UGT2A1: variants seen among roughly 807,000 people sequenced by gnomAD.
UGT2A1 encodes the protein UDP glucuronosyltransferase family 2 member A1 complex locus.
UGT2A1 carries 61 observed loss-of-function variants against 45.4 expected under a neutral mutation model. That is an observed-to-expected ratio of 1.34 (90% CI 1.09 to 1.66). The LOEUF is 1.66. Ranked by LOEUF, UGT2A1 falls within the 40% of genes most tolerant of loss-of-function variation. The pLI is 0.00. For missense variants in UGT2A1, 649 were observed against 574.3 expected, an observed-to-expected ratio of 1.13 and a Z score of -1.33; for synonymous variants, 229 against 196.2, an observed-to-expected ratio of 1.17 and a Z score of -1.40.
At chr4:69,643,026 A>G (rs542963175) in intron 2 of UGT2A1, among the ~76,000 whole-genome samples, 3 of 151,504 alleles carry the variant, frequency 2.0e-5, no homozygotes, top group Non-Finnish European at 4.4e-5. Context: ...TTTTGAAGGT[A>G]TACATTCGAA....
At chr4:69,619,953 C>T (rs1318291240) in intron 3 of UGT2A1, among the ~76,000 whole-genome samples, 1 of 151,778 alleles carries the variant, frequency 6.6e-6, no homozygotes, top group Non-Finnish European at 1.5e-5. Context: ...TATGCAAAAA[C>T]TCAATAAACT....
In UGT2A1 at chr4:69,589,489, C is replaced by T. The variant is rs756622796; in HGVS notation, c.1467G>A (p.Leu489=). 1 of 1,613,886 alleles carries T rather than the reference C, an allele frequency of 6.2e-7. No homozygotes were observed. The highest frequency in any genetic ancestry group is 1.3e-5 in the African/African-American group (1 of 74,880). ...HDLTWFQYHS[L]DVIGFLLVCV... ...AGACCAGCAAGAACCCAATTACATC[C>T]AAAGAGTGGTACTGGAACCAGGTGA... Residue 489 remains leucine (L), a synonymous_variant, in exon 7 of 7, where the codon TTG becomes TTA. Coordinates refer to ENST00000286604, the MANE Select transcript of UGT2A1 (RefSeq NM_001252275.3).
At chr4:69,637,997 CAGGA>C (rs200856756) in intron 2 of UGT2A1, among the ~76,000 whole-genome samples, 1,669 of 133,054 alleles carry the variant, frequency 0.013, 15 homozygotes, top group African/African-American at 0.025. Flanking sequence ...GGAAGGCAGG[CAGGA>C]AGGAAGGAAG....
rs1718913875 is a variant in UGT2A1 at position 69,596,178 on chromosome 4, A to C, written c.997-929T>G. The C allele has an allele frequency of 5.8e-6, 8 of 1,380,924 alleles. No homozygotes were observed. In the South Asian group the frequency reaches 1.7e-4, roughly 30 times the overall value. The allele number at this position is 1,380,924 out of a possible 1,614,324, so 85.5% of individuals were successfully genotyped here. A position where few individuals can be genotyped will look rare whatever the true frequency, so the allele number is the denominator to read the frequency against. ...TAATGAGTTTTGATTTTCATATGGA[A>C]AGAACATTACTAGCTGCATTGTCTC... On this transcript the variant is annotated intron_variant, in intron 4 of 6. Transcript: ENST00000286604.
chr4:69,639,578 C>A, intron 2 of UGT2A1: 1 of 1,610,158 alleles, frequency 6.2e-7, no homozygotes, highest in South Asian at 1.1e-5. Flanking sequence ...CAGTCAGAGT[C>A]AAATTAAAAA....
chr4:69,642,074 G>A (rs527586288), intron 2 of UGT2A1, among the ~76,000 whole-genome samples: 47 of 151,724 alleles, frequency 3.1e-4, no homozygotes, highest in South Asian at 2.1e-3. Flanking sequence ...ACAAGTGATA[G>A]GCTATTAACA....
At chr4:69,590,061 T>C (rs1048317741) in intron 6 of UGT2A1, among the ~76,000 whole-genome samples, 8 of 152,190 alleles carry the variant, frequency 5.3e-5, no homozygotes, top group Admixed American at 2.0e-4. Flanking sequence ...CTAGTTCATA[T>C]GACAGACAAA....
intron 3 of UGT2A1, among the ~76,000 whole-genome samples, chr4:69,632,090 G>A (rs952897122): frequency 1.3e-5 from 2 of 151,998 alleles, no homozygotes; most frequent in Non-Finnish European, 2.9e-5. Context: ...AGAGATTCAC[G>A]AAAATGAAAG....
In UGT2A1 at chr4:69,635,671, A is replaced by G; in HGVS notation, c.847+20T>C. 1 of 261,370 alleles carries G rather than the reference A, an allele frequency of 3.8e-6. No homozygotes were observed. The highest frequency in any genetic ancestry group is 7.7e-6 in the Non-Finnish European group (1 of 129,730). 16.2% of individuals were successfully genotyped at this position (261,370 alleles called of 1,614,324 possible). ...ATGGTGAAACCTCGTCTCTATTAAAAATACAAAAATTAGCCTGACCTGCTG... is the reference window on the plus strand; with the variant it reads ...ATGGTGAAACCTCGTCTCTATTAAAGATACAAAAATTAGCCTGACCTGCTG... On this transcript the variant is annotated intron_variant, in intron 3 of 6. Coordinates refer to ENST00000286604, the MANE Select transcript of UGT2A1 (RefSeq NM_001252275.3).
chr4:69,619,571 A>C (rs1325641018), intron 3 of UGT2A1, among the ~76,000 whole-genome samples: 1 of 152,034 alleles, frequency 6.6e-6, no homozygotes, highest in African/African-American at 2.4e-5. Context: ...CTAACATAAA[A>C]GGAATATAAT....
intron 2 of UGT2A1, among the ~76,000 whole-genome samples, chr4:69,637,654 C>T (rs1469245453): frequency 6.6e-6 from 1 of 152,068 alleles, no homozygotes; most frequent in African/African-American, 2.4e-5. Context: ...ACTATCTGTT[C>T]TTCTTACTTT....
chr4:69,610,419 G>A (rs1477959325), intron 3 of UGT2A1, among the ~76,000 whole-genome samples: 1 of 151,984 alleles, frequency 6.6e-6, no homozygotes, highest in African/African-American at 2.4e-5. Context: ...GGCATTTTAG[G>A]TAATTTAAGC....
intron 3 of UGT2A1, among the ~76,000 whole-genome samples, chr4:69,634,755 G>A (rs1721582788): frequency 6.6e-6 from 1 of 152,036 alleles, no homozygotes; most frequent in Non-Finnish European, 1.5e-5. Context: ...AAAAGAAAAA[G>A]GGAGATTCCT....
At chr4:69,614,786 T>G (rs564873759) in intron 3 of UGT2A1, among the ~76,000 whole-genome samples, 2 of 152,170 alleles carry the variant, frequency 1.3e-5, no homozygotes, top group South Asian at 4.1e-4. Flanking sequence ...AGTGGACCTC[T>G]GAGTAGTCTG....
rs546593191 is a variant in UGT2A1 at position 69,595,350 on chromosome 4, C to T, written c.997-101G>A. On this transcript the variant is annotated intron_variant, in intron 4 of 6. Coordinates refer to ENST00000286604, the MANE Select transcript of UGT2A1 (RefSeq NM_001252275.3). Reference sequence around the variant, plus strand: ...ATCATTTAGCCAGCTACTTGGAAGACGGGAATTACATAAGCAGTAGTTTAC... The same window carrying T: ...ATCATTTAGCCAGCTACTTGGAAGATGGGAATTACATAAGCAGTAGTTTAC... 1.4e-4 allele frequency: 189 copies of T among 1,364,890 alleles called. No homozygotes were observed. In the African/African-American group the frequency reaches 2.1e-3, roughly 15 times the overall value. The allele number at this position is 1,364,890 out of a possible 1,614,324, so 84.5% of individuals were successfully genotyped here.
chr4:69,599,694 A>AG (rs1560470150), intron 3 of UGT2A1: 63 of 200,476 alleles, frequency 3.1e-4, no homozygotes, highest in African/African-American at 5.0e-4. Context: ...AGAAATAAAG[A>AG]AAGAGAGAGA....
chr4:69,618,005 A>G (rs1222260633), intron 3 of UGT2A1, among the ~76,000 whole-genome samples: 1 of 152,014 alleles, frequency 6.6e-6, no homozygotes, highest in Non-Finnish European at 1.5e-5. Flanking sequence ...GGATTTAATG[A>G]GAGAAAATTT....
At chr4:69,608,447 C>T (rs961214660) in intron 3 of UGT2A1, among the ~76,000 whole-genome samples, 5 of 151,280 alleles carry the variant, frequency 3.3e-5, no homozygotes, top group Non-Finnish European at 7.4e-5. Context: ...GGAAGGATAG[C>T]GTTGGGAAAT....
intron 2 of UGT2A1, among the ~76,000 whole-genome samples, chr4:69,641,637 T>G (rs1249872102): frequency 6.6e-6 from 1 of 151,882 alleles, no homozygotes; most frequent in East Asian, 1.9e-4. Flanking sequence ...ACTTTTAGTT[T>G]TTCTTTGTTT....
Sources: allele counts gnomAD v4.1 joint callset (sites outside exome capture counted in the v4.1 genomes callset), GRCh38; gene constraint gnomAD v4.1.1; transcripts MANE v1.5; gene names NCBI Gene and HGNC (gene_info 2026-07-23, HGNC 2026-07-21).